KCNMA1: variants seen among roughly 807,000 people sequenced by gnomAD.
KCNMA1 encodes the protein Calcium-activated potassium channel subunit alpha-1.
A neutral mutation model predicts 140.0 loss-of-function variants in KCNMA1; 29 were observed. The ratio of observed to expected loss-of-function variants is 0.21; its 90% CI spans 0.15 to 0.28. The LOEUF (loss-of-function observed/expected upper bound fraction) is 0.28, where lower values mean the gene tolerates loss of function less well. KCNMA1 is among the 10% of genes least tolerant of loss of function. The pLI is 1.00. For missense variants in KCNMA1, 880 were observed against 1,602.2 expected (o/e 0.55, Z 7.70); for synonymous variants, 612 against 611.9 (o/e 1.00, Z 0.00).
rs1453613129 is a variant in KCNMA1, at chr10:76,944,922, T to C, written c.2753A>G (p.Asn918Ser). ...CAGGATAACGCACATGTCACAGAGG[T>C]TGATGTTGACAGCCCTTAAATCAGC... ...SRADLRAVNI[N>S]LCDMCVILSA... is the part of the protein sequence containing the mutation. Residue 918 changes from asparagine (N) to serine (S), a missense_variant, in exon 23 of 28, where the codon AAC (asparagine) becomes AGC (serine). By Grantham distance (46) the Asn-to-Ser change is conservative. Transcript: ENST00000286628. 1.2e-6 allele frequency: 2 copies of C among 1,613,642 alleles called. No individual in the cohort carries two copies. The highest frequency in any genetic ancestry group is 1.7e-5 in the Admixed American group (1 of 59,966).
At chr10:77,432,672 C>T (rs2097177326) in intron 1 of KCNMA1, among the ~76,000 whole-genome samples, 1 of 152,172 alleles carries the variant, frequency 6.6e-6, no homozygotes. Context: ...CAAAGGTCCC[C>T]ATTTTCAATG....
At chr10:76,897,457 G>A (rs1446138912) in intron 25 of KCNMA1, among the ~76,000 whole-genome samples, 3 of 151,924 alleles carry the variant, frequency 2.0e-5, no homozygotes, top group Non-Finnish European at 4.4e-5. Flanking sequence ...TAAGAGGAAT[G>A]TCAAAGGAAT....
intron 2 of KCNMA1, among the ~76,000 whole-genome samples, chr10:77,351,399 C>T (rs2092862355): frequency 6.6e-6 from 1 of 152,192 alleles, no homozygotes; most frequent in Non-Finnish European, 1.5e-5. Flanking sequence ...CTGCCAGACT[C>T]CAGCCTATTT....
At chr10:76,988,533 A>T (rs2081909535) in intron 19 of KCNMA1, among the ~76,000 whole-genome samples, 1 of 152,166 alleles carries the variant, frequency 6.6e-6, no homozygotes, top group Admixed American at 6.5e-5. Context: ...ATCTCAAAAA[A>T]CAACAATAAC....
chr10:77,015,447 A>G (rs2091833262), intron 17 of KCNMA1, among the ~76,000 whole-genome samples: 1 of 151,760 alleles, frequency 6.6e-6, no homozygotes, highest in Admixed American at 6.6e-5. Flanking sequence ...TTTGCCCATA[A>G]CTTTACAGTC....
chr10:77,175,701 C>G (rs1021310206), intron 5 of KCNMA1, among the ~76,000 whole-genome samples: 3 of 152,112 alleles, frequency 2.0e-5, no homozygotes, highest in Non-Finnish European at 2.9e-5. Context: ...CAGAGCTGTG[C>G]CTTAATGGGG....
chr10:77,113,603 A>G (rs1276352928), intron 6 of KCNMA1, among the ~76,000 whole-genome samples: 1 of 152,114 alleles, frequency 6.6e-6, no homozygotes, highest in Admixed American at 6.5e-5. Context: ...AGCTGGGATT[A>G]CAGGCACCCG....
intron 3 of KCNMA1, among the ~76,000 whole-genome samples, chr10:77,243,747 A>G (rs1428622219): frequency 1.3e-5 from 2 of 152,188 alleles, no homozygotes; most frequent in Non-Finnish European, 2.9e-5. Context: ...CAGCTCTTCA[A>G]TGCGTTCAGC....
At chr10:77,604,540 A>AC (rs11435423) in intron 1 of KCNMA1, among the ~76,000 whole-genome samples, 77,384 of 151,276 alleles carry the variant, frequency 0.51, 20,401 homozygotes, top group African/African-American at 0.61. Flanking sequence ...CCTCATTTCT[A>AC]CCCCCAAAAA....
intron 5 of KCNMA1, among the ~76,000 whole-genome samples, chr10:77,156,101 A>G (rs2098480383): frequency 6.6e-6 from 1 of 151,834 alleles, no homozygotes. Flanking sequence ...GGTGGCAGGC[A>G]CCTGTAGTCC....
At chr10:77,280,872 T>C (rs1234990857) in intron 2 of KCNMA1, among the ~76,000 whole-genome samples, 2 of 152,182 alleles carry the variant, frequency 1.3e-5, no homozygotes, top group East Asian at 1.9e-4. Context: ...CCTCATTGAA[T>C]AGGAGTAGAA....
chr10:77,391,131 G>A (rs1031279541), intron 2 of KCNMA1, among the ~76,000 whole-genome samples: 1 of 152,194 alleles, frequency 6.6e-6, no homozygotes, highest in Non-Finnish European at 1.5e-5. Flanking sequence ...TGAATCCTGG[G>A]CTGCTCCTGC....
chr10:77,138,903 T>C (rs1366432130), intron 5 of KCNMA1, among the ~76,000 whole-genome samples: 1 of 152,224 alleles, frequency 6.6e-6, no homozygotes, highest in Non-Finnish European at 1.5e-5. Flanking sequence ...CCACCCGATC[T>C]GGAGCCCAGT....
chr10:77,347,336 G>C (rs1190444404), intron 2 of KCNMA1, among the ~76,000 whole-genome samples: 3 of 152,228 alleles, frequency 2.0e-5, no homozygotes, highest in Admixed American at 6.5e-5. Context: ...CTGATGGTCA[G>C]AAAAGTTAAG....
At chr10:77,625,888 T>C (rs900922697) in intron 1 of KCNMA1, among the ~76,000 whole-genome samples, 10 of 152,204 alleles carry the variant, frequency 6.6e-5, no homozygotes, top group African/African-American at 2.2e-4. Flanking sequence ...CTGGATTATA[T>C]GATAATTGAA....
chr10:77,396,645 A>G (rs186724512), intron 2 of KCNMA1, among the ~76,000 whole-genome samples: 18 of 152,330 alleles, frequency 1.2e-4, no homozygotes, highest in African/African-American at 3.8e-4. Context: ...TAAAGATGAA[A>G]TGGTCCAGGC....
rs76071461 is a variant in KCNMA1, at chr10:77,600,886, T to C, written c.378+36379A>G. The stretch of plus-strand genomic sequence containing the variant: ...GCACCAAGGGCTTCTGTTCCAGTCC[T>C]TAAGCTCACTCCACTCCACCACTCC... On this transcript the variant is annotated intron_variant, in intron 1 of 27. Coordinates refer to ENST00000286628, the MANE Select transcript of KCNMA1 (RefSeq NM_001161352.2). 1.0e-2 allele frequency among the ~76,000 whole-genome samples: 1,518 copies of C among 152,246 alleles called. 29 individuals carry two copies. The highest frequency in any genetic ancestry group is 0.035 in the African/African-American group (1,445 of 41,534).
chr10:77,434,961 T>A (rs2097227767), intron 1 of KCNMA1, among the ~76,000 whole-genome samples: 1 of 152,234 alleles, frequency 6.6e-6, no homozygotes, highest in African/African-American at 2.4e-5. Flanking sequence ...TAAACAAAGA[T>A]ATCTTTTTTG....
intron 1 of KCNMA1, among the ~76,000 whole-genome samples, chr10:77,618,295 T>C (rs1198961808): frequency 6.6e-6 from 1 of 152,216 alleles, no homozygotes; most frequent in Non-Finnish European, 1.5e-5. Context: ...CATGTTGACC[T>C]CTTGTTACAG....
Sources: allele counts gnomAD v4.1 joint callset (sites outside exome capture counted in the v4.1 genomes callset), GRCh38; gene constraint gnomAD v4.1.1; transcripts MANE v1.5; gene names NCBI Gene and HGNC (gene_info 2026-07-23, HGNC 2026-07-21).